RAB3GAP1: variants seen among roughly 807,000 people sequenced by gnomAD.
RAB3GAP1 encodes RAB3 GTPase activating protein catalytic subunit 1, also known as rab3 GTPase-activating protein catalytic subunit.
In RAB3GAP1, 86 loss-of-function variants were observed where a neutral mutation model predicts 130.7. That is an observed-to-expected ratio of 0.66 (90% CI 0.55 to 0.79). The LOEUF is 0.79. RAB3GAP1 is among the 30% of genes least tolerant of loss of function. The pLI is 0.00. For synonymous variants in RAB3GAP1, 367 were observed against 401.7 expected, an observed-to-expected ratio of 0.91 and a Z score of 1.03; for missense variants, 1,029 against 1,169.4, an observed-to-expected ratio of 0.88 and a Z score of 1.75.
At chr2:135,107,872 G>A (rs551176294) in intron 5 of RAB3GAP1, among the ~76,000 whole-genome samples, 1 of 151,128 alleles carries the variant, frequency 6.6e-6, no homozygotes, top group African/African-American at 2.4e-5. Flanking sequence ...CTACTCAGGA[G>A]GCTGAGACAG....
chr2:135,159,135 A>C (rs187020462), intron 19 of RAB3GAP1, among the ~76,000 whole-genome samples: 4 of 152,196 alleles, frequency 2.6e-5, no homozygotes, highest in Admixed American at 1.3e-4. Context: ...AATTGATTGG[A>C]TATATAAATT....
At chr2:135,067,479 A>G (rs981918978) in intron 3 of RAB3GAP1, among the ~76,000 whole-genome samples, 2 of 152,194 alleles carry the variant, frequency 1.3e-5, no homozygotes, top group Non-Finnish European at 2.9e-5. Flanking sequence ...GTTTTGTTAT[A>G]TCTCTGATTC....
rs112223600 is a variant in RAB3GAP1 at position 135,167,379 on chromosome 2, CT to C, written c.2710-1152del. ...AATTCTATTTTTCAAGCCATGAACA[CT>C]TTTTTTTTTTTTTGCATCATAATTC... On this transcript the variant is annotated intron_variant, in intron 23 of 23. Coordinates refer to ENST00000264158, the MANE Select transcript of RAB3GAP1 (RefSeq NM_012233.3). Among the ~76,000 whole-genome samples, 3,446 of 140,168 alleles carry C rather than the reference CT, an allele frequency of 0.025. 98 individuals are homozygous for C. The highest frequency in any genetic ancestry group is 0.077 in the African/African-American group (2,956 of 38,530). The allele number at this position is 140,168 out of a possible 152,430, so 92.0% of individuals were successfully genotyped here.
At position 135,167,583 on chromosome 2, in the gene RAB3GAP1, T is replaced by C; in HGVS notation, c.2710-962T>C. 3 of 869,184 alleles carry C rather than the reference T, an allele frequency of 3.5e-6. No individual in the cohort carries two copies. The South Asian group carries it at 4.6e-5, about 13-fold the overall frequency. 53.8% of individuals were successfully genotyped at this position (869,184 alleles called of 1,614,324 possible). A position where few individuals can be genotyped will look rare whatever the true frequency, so the allele number is the denominator to read the frequency against. On this transcript the variant is annotated intron_variant, in intron 23 of 23. Transcript: ENST00000264158. ...CTTTTGATAGGATCATGTTCCATAA[T>C]GTAGTGCATACTGTCTTTGAAATAA...
intron 7 of RAB3GAP1, among the ~76,000 whole-genome samples, chr2:135,117,474 G>GCTT (rs1212745711): frequency 9.1e-4 from 25 of 27,450 alleles, no homozygotes; most frequent in African/African-American, 2.0e-3. Flanking sequence ...TTCTGCTTCT[G>GCTT]CTTCTTCTGC....
intron 15 of RAB3GAP1, among the ~76,000 whole-genome samples, chr2:135,134,484 T>C (rs1186917815): frequency 6.6e-6 from 1 of 152,232 alleles, no homozygotes; most frequent in Non-Finnish European, 1.5e-5. Context: ...CTTTATACTT[T>C]TATGCATTTT....
chr2:135,118,270 G>A (rs1691088476), intron 7 of RAB3GAP1, among the ~76,000 whole-genome samples: 1 of 151,510 alleles, frequency 6.6e-6, no homozygotes, highest in South Asian at 2.1e-4. Flanking sequence ...CTATTTATTA[G>A]CAGTAGTTAA....
chr2:135,092,043 G>A (rs7568525), intron 4 of RAB3GAP1, among the ~76,000 whole-genome samples: 47,147 of 152,052 alleles, frequency 0.31, 11,054 homozygotes, highest in African/African-American at 0.64. Flanking sequence ...TACCTTTTCT[G>A]TTACGTATAT....
At chr2:135,064,289 C>G (rs1689257084) in intron 3 of RAB3GAP1, among the ~76,000 whole-genome samples, 1 of 152,038 alleles carries the variant, frequency 6.6e-6, no homozygotes, top group South Asian at 2.1e-4. Context: ...TTGCCCCATT[C>G]TCTACTCTTT....
intron 17 of RAB3GAP1, among the ~76,000 whole-genome samples, chr2:135,142,680 G>T (rs1261298299): frequency 1.3e-5 from 2 of 151,856 alleles, no homozygotes. Context: ...AGTTTGCTTA[G>T]AGTTTTGTTT....
intron 4 of RAB3GAP1, 101 bp from the exon 5 acceptor site, chr2:135,093,514 A>G: frequency 1.2e-6 from 1 of 867,618 alleles, no homozygotes; most frequent in South Asian, 1.4e-5. Context: ...GCAATATCAA[A>G]ACTGCATGAT....
intron 3 of RAB3GAP1, among the ~76,000 whole-genome samples, chr2:135,083,780 T>TG (rs1004789596): frequency 6.7e-6 from 1 of 150,230 alleles, no homozygotes; most frequent in African/African-American, 2.4e-5. Flanking sequence ...TTTTTTTTTT[T>TG]TTTTTTTTTT....
At chr2:135,137,144 GA>G (rs1487256064) in intron 17 of RAB3GAP1, 1 of 363,462 alleles carries the variant, frequency 2.8e-6, no homozygotes, top group Non-Finnish European at 5.3e-6. Flanking sequence ...AACAGCATGG[GA>G]TATGAAGGAA....
intron 3 of RAB3GAP1, among the ~76,000 whole-genome samples, chr2:135,076,790 C>T (rs1430454162): frequency 2.0e-5 from 3 of 152,168 alleles, no homozygotes; most frequent in East Asian, 1.9e-4. Flanking sequence ...AAAGTCTACC[C>T]GTTAAACAAT....
chr2:135,065,432 T>A (rs1689291439), intron 3 of RAB3GAP1, among the ~76,000 whole-genome samples: 1 of 152,210 alleles, frequency 6.6e-6, no homozygotes, highest in African/African-American at 2.4e-5. Context: ...CAGAAGCAGA[T>A]ATGAGAATAT....
At chr2:135,165,598 G>T (rs1692618353) in intron 23 of RAB3GAP1, among the ~76,000 whole-genome samples, 1 of 152,288 alleles carries the variant, frequency 6.6e-6, no homozygotes, top group South Asian at 2.1e-4. Flanking sequence ...CTTAGCAAGA[G>T]CTAAAATCTG....
At chr2:135,106,741 A>C (rs2104901836) in intron 5 of RAB3GAP1, among the ~76,000 whole-genome samples, 1 of 151,040 alleles carries the variant, frequency 6.6e-6, no homozygotes, top group Middle Eastern at 3.4e-3. Flanking sequence ...ACACCCAAGA[A>C]TCATCAATAA....
At chr2:135,167,741 G>C (rs753763532) in intron 23 of RAB3GAP1, 4 of 1,450,862 alleles carry the variant, frequency 2.8e-6, no homozygotes, top group Non-Finnish European at 3.7e-6. Context: ...GCCCCTCATA[G>C]TTCCTTGTTC....
intron 17 of RAB3GAP1, among the ~76,000 whole-genome samples, chr2:135,137,999 G>A (rs761203430): frequency 1.2e-4 from 18 of 151,792 alleles, no homozygotes; most frequent in African/African-American, 3.4e-4. Context: ...CTAATTTTTC[G>A]TGGTTTTTAT....
Sources: gnomAD v4.1 joint callset for allele counts (sites outside exome capture counted in the v4.1 genomes callset) on GRCh38, gnomAD v4.1.1 for gene constraint, MANE v1.5 for transcripts, NCBI Gene and HGNC (gene_info 2026-07-23, HGNC 2026-07-21) for gene names.